The following KLHL29 variants were observed in gnomAD, a reference collection of about 807,000 sequenced individuals.
KLHL29 encodes the protein kelch-like protein 29.
A neutral mutation model predicts 80.4 loss-of-function variants in KLHL29; 21 were observed. The observed-to-expected ratio is 0.26, with a 90% CI of 0.19 to 0.38. The LOEUF (loss-of-function observed/expected upper bound fraction) is 0.38. Ranked by LOEUF, KLHL29 falls within the 10% of genes least tolerant of loss-of-function variation. The pLI is 1.00. For synonymous variants in KLHL29, 511 were observed against 526.8 expected (o/e 0.97, Z 0.41); for missense variants, 867 against 1,223.9 (o/e 0.71, Z 4.35).
At chr2:23,540,296 C>A (rs925839062) in intron 2 of KLHL29, among the ~76,000 whole-genome samples, 2 of 152,232 alleles carry the variant, frequency 1.3e-5, no homozygotes, top group African/African-American at 4.8e-5. Context: ...GTATCAATTA[C>A]AATTAAATAA....
intron 2 of KLHL29, among the ~76,000 whole-genome samples, chr2:23,535,175 C>T (rs1033183604): frequency 1.3e-5 from 2 of 152,250 alleles, no homozygotes; most frequent in African/African-American, 4.8e-5. Context: ...CTTCCTGTGG[C>T]CTTGGGAAAT....
At chr2:23,469,138 G>A (rs767026802) in intron 1 of KLHL29, among the ~76,000 whole-genome samples, 1 of 152,208 alleles carries the variant, frequency 6.6e-6, no homozygotes, top group African/African-American at 2.4e-5. Flanking sequence ...AGGGAGAGTC[G>A]AGGAAAGCTG....
intron 2 of KLHL29, among the ~76,000 whole-genome samples, chr2:23,494,369 G>A (rs963897711): frequency 1.3e-5 from 2 of 152,200 alleles, no homozygotes; most frequent in Non-Finnish European, 2.9e-5. Flanking sequence ...GCTGGGTCAG[G>A]CAGGGAAGGG....
intron 5 of KLHL29, 30 bp downstream of exon 5, chr2:23,642,880 G>A (rs1005415522): frequency 3.6e-5 from 56 of 1,549,806 alleles, no homozygotes; most frequent in South Asian, 1.3e-4. Context: ...GCCTCCCCAC[G>A]GGCCTGCGTC....
chr2:23,512,589 C>T (rs1189428760), intron 2 of KLHL29, among the ~76,000 whole-genome samples: 1 of 152,112 alleles, frequency 6.6e-6, no homozygotes, highest in East Asian at 1.9e-4. Context: ...CTTTTTCCAC[C>T]CAAATGAGTG....
rs188567972 is a variant in KLHL29 at position 23,689,719 on chromosome 2, C to T, written c.1080-1955C>T. 808 of 152,448 alleles carry T rather than the reference C, an allele frequency of 5.3e-3. 4 individuals are homozygous for T. The highest frequency in any genetic ancestry group is 7.5e-3 in the Admixed American group (114 of 15,288). 9.4% of individuals were successfully genotyped at this position (152,448 alleles called of 1,614,324 possible). The stretch of plus-strand genomic sequence containing the variant: ...GGCATGCAGAGGAGAGGCTGGACAG[C>T]GGCTTGTAGGAATGAAGTCCCAGGC... On this transcript the variant is annotated intron_variant, in intron 6 of 13. Transcript: ENST00000486442.
intron 2 of KLHL29, among the ~76,000 whole-genome samples, chr2:23,525,022 C>T (rs964326907): frequency 1.3e-5 from 2 of 152,220 alleles, no homozygotes; most frequent in Admixed American, 6.5e-5. Context: ...AGAATACATA[C>T]TGTTACTTTT....
At chr2:23,387,822 A>G (rs1360727664) in intron 1 of KLHL29, among the ~76,000 whole-genome samples, 1 of 152,254 alleles carries the variant, frequency 6.6e-6, no homozygotes, top group African/African-American at 2.4e-5. Flanking sequence ...TTACTAGCAC[A>G]TGTGCCTTTT....
intron 3 of KLHL29, among the ~76,000 whole-genome samples, chr2:23,597,407 A>ATT (rs869224319): frequency 4.0e-5 from 1 of 24,720 alleles, no homozygotes; most frequent in Non-Finnish European, 6.7e-5. Flanking sequence ...ATATATATAT[A>ATT]TTTTTTTTTT....
At chr2:23,530,462 G>A (rs1042244802) in intron 2 of KLHL29, among the ~76,000 whole-genome samples, 2 of 152,186 alleles carry the variant, frequency 1.3e-5, no homozygotes, top group Non-Finnish European at 2.9e-5. Flanking sequence ...CCATCTGCAC[G>A]GTGAATAAAG....
Position 23,647,797 on chromosome 2 carries a change from T to A in KLHL29, c.940+4947T>A, listed in dbSNP as rs1404669539. 6.6e-6 allele frequency among the ~76,000 whole-genome samples: 1 copy of A among 152,084 alleles called. No homozygotes were observed. The highest frequency in any genetic ancestry group is 1.9e-4 in the East Asian group (1 of 5,176). ...GCTGCCCCGTAACCACCCCAGGCCT[T>A]GGCTCTCCAGTCTAGCCGTGCACTG... is the stretch of plus-strand genomic sequence containing the variant. On this transcript the variant is annotated intron_variant, in intron 5 of 13. Transcript: ENST00000486442. The surrounding 1 kb of genome is among the most constrained non-coding windows in gnomAD (Gnocchi z 4.9).
intron 2 of KLHL29, among the ~76,000 whole-genome samples, chr2:23,526,592 C>G (rs1293278983): frequency 1.3e-5 from 2 of 152,136 alleles, no homozygotes; most frequent in Non-Finnish European, 2.9e-5. Context: ...CCTGCTCTGC[C>G]CTCTGCCTAC....
At chr2:23,409,643 A>G (rs900655048) in intron 1 of KLHL29, among the ~76,000 whole-genome samples, 1 of 152,226 alleles carries the variant, frequency 6.6e-6, no homozygotes, top group African/African-American at 2.4e-5. Flanking sequence ...ACCCAAGCCC[A>G]TTCTTCATGG....
intron 3 of KLHL29, among the ~76,000 whole-genome samples, chr2:23,590,883 G>A (rs1238857782): frequency 1.3e-5 from 2 of 152,244 alleles, no homozygotes; most frequent in Admixed American, 6.5e-5. Flanking sequence ...AGGATCTACC[G>A]TGTGCCTGTG....
At position 23,457,117 on chromosome 2, in the gene KLHL29, C is replaced by T. The variant is rs778926188; in HGVS notation, c.-153-18443C>T. 2.0e-4 allele frequency among the ~76,000 whole-genome samples: 30 copies of T among 152,328 alleles called. No individual in the cohort carries two copies. The highest frequency in any genetic ancestry group is 3.2e-4 in the Non-Finnish European group (22 of 68,040). On this transcript the variant is annotated intron_variant, in intron 1 of 13. Transcript: ENST00000486442. The surrounding 1 kb of genome is among the most constrained non-coding windows in gnomAD (Gnocchi z 4.3). ...GCCAGGCCCTGTGCCTTCCCGACGC[C>T]GGGGACTGGAGCTAGAGGCATCTGG... is the stretch of plus-strand genomic sequence containing the variant.
chr2:23,470,282 C>T (rs1476562485), intron 1 of KLHL29, among the ~76,000 whole-genome samples: 1 of 152,092 alleles, frequency 6.6e-6, no homozygotes, highest in Non-Finnish European at 1.5e-5. Context: ...CAGTATTTTG[C>T]CTGGAAAGTT....
intron 2 of KLHL29, among the ~76,000 whole-genome samples, chr2:23,518,620 C>T (rs1306920966): frequency 2.0e-5 from 3 of 152,178 alleles, no homozygotes; most frequent in Non-Finnish European, 4.4e-5. Context: ...GGCGCTGTAG[C>T]ACTCCCTGGC....
At chr2:23,650,345 T>C (rs1308771464) in intron 5 of KLHL29, among the ~76,000 whole-genome samples, 1 of 133,776 alleles carries the variant, frequency 7.5e-6, no homozygotes, top group African/African-American at 2.5e-5. Flanking sequence ...GATCCATCTA[T>C]CATAGAGTCA....
At position 23,698,954 on chromosome 2, in the gene KLHL29, G is replaced by A. The variant is rs113330336; in HGVS notation, c.2105+2441G>A. 1.9e-3 allele frequency among the ~76,000 whole-genome samples: 286 copies of A among 152,354 alleles called. 2 individuals carry two copies. Among genetic ancestry groups the A allele is most frequent in the African/African-American group, 6.6e-3 (273 of 41,576 alleles). ...CCACTGTCTCCCAGCTCCTTCTGCA[G>A]GAGCTCTTTGGAACCCTGCCATATT... On this transcript the variant is annotated intron_variant, in intron 11 of 13. Transcript: ENST00000486442.
Sources: gnomAD v4.1 joint callset for allele counts (sites outside exome capture counted in the v4.1 genomes callset) on GRCh38, gnomAD v4.1.1 for gene constraint, Gnocchi (gnomAD v3.1) non-coding constraint, MANE v1.5 for transcripts, NCBI Gene and HGNC (gene_info 2026-07-23, HGNC 2026-07-21) for gene names.